RAD51B: variants seen among roughly 807,000 people sequenced by gnomAD.
RAD51B encodes DNA repair protein RAD51 homolog 2.
A neutral mutation model predicts 42.2 loss-of-function variants in RAD51B; 38 were observed. The observed-to-expected ratio is 0.90, with a 90% CI of 0.70 to 1.18. RAD51B has a LOEUF of 1.18. RAD51B is among the 50% of genes most tolerant of loss of function. RAD51B has a pLI of 0.00. For synonymous variants in RAD51B, 154 were observed against 145.2 expected, an observed-to-expected ratio of 1.06 and a Z score of -0.43; for missense variants, 373 against 400.7, an observed-to-expected ratio of 0.93 and a Z score of 0.59.
At chr14:67,899,842 G>T (rs1323679033) in intron 7 of RAD51B, among the ~76,000 whole-genome samples, 1 of 152,166 alleles carries the variant, frequency 6.6e-6, no homozygotes, top group Admixed American at 6.5e-5. Flanking sequence ...AGAAATTGAG[G>T]CTTATAGAGG....
At chr14:67,976,869 GA>G (rs1379327323) in intron 7 of RAD51B, among the ~76,000 whole-genome samples, 1 of 151,986 alleles carries the variant, frequency 6.6e-6, no homozygotes, top group Non-Finnish European at 1.5e-5. Context: ...AAATTTACAA[GA>G]AAAAAACAAA....
At chr14:68,393,645 C>T (rs1176315287) in intron 8 of RAD51B, among the ~76,000 whole-genome samples, 3 of 152,122 alleles carry the variant, frequency 2.0e-5, no homozygotes, top group African/African-American at 7.2e-5. Flanking sequence ...TTGAGCCGCT[C>T]CATGGGAATT....
intron 9 of RAD51B, among the ~76,000 whole-genome samples, chr14:68,427,433 A>ACCCCC (rs1455182409): frequency 1.3e-5 from 2 of 152,104 alleles, no homozygotes; most frequent in Non-Finnish European, 2.9e-5. Context: ...TCTGGGTACA[A>ACCCCC]CCCCTGCCTT....
At chr14:68,248,294 G>A (rs147742269) in intron 7 of RAD51B, among the ~76,000 whole-genome samples, 155 of 152,258 alleles carry the variant, frequency 1.0e-3, no homozygotes, top group Non-Finnish European at 1.5e-3. Flanking sequence ...GGAGGGAATA[G>A]GCCTTTTAAA....
chr14:67,960,828 C>T (rs1264714995), intron 7 of RAD51B, among the ~76,000 whole-genome samples: 1 of 152,018 alleles, frequency 6.6e-6, no homozygotes. Context: ...GCCTTTATGC[C>T]TGGCTAATTT....
At chr14:68,551,528 G>C (rs1329855968) in intron 10 of RAD51B, among the ~76,000 whole-genome samples, 5 of 152,162 alleles carry the variant, frequency 3.3e-5, no homozygotes, top group African/African-American at 4.8e-5. Flanking sequence ...GCCTGCTTCT[G>C]ATCTCCAGTA....
intron 8 of RAD51B, among the ~76,000 whole-genome samples, chr14:68,341,102 G>A (rs769310979): frequency 6.6e-6 from 1 of 152,202 alleles, no homozygotes; most frequent in Non-Finnish European, 1.5e-5. Context: ...AAAGCACAAT[G>A]TTAATGACTA....
intron 4 of RAD51B, among the ~76,000 whole-genome samples, chr14:67,862,542 G>A (rs1007981807): frequency 1.3e-5 from 2 of 152,022 alleles, no homozygotes; most frequent in Admixed American, 1.3e-4. Context: ...AAAAACTTTT[G>A]CATAATTGAT....
chr14:68,389,736 T>C (rs1454187718), intron 8 of RAD51B, among the ~76,000 whole-genome samples: 3 of 152,228 alleles, frequency 2.0e-5, no homozygotes, highest in Non-Finnish European at 2.9e-5. Context: ...ATTTTTTAAG[T>C]ACCCATAAGT....
intron 7 of RAD51B, among the ~76,000 whole-genome samples, chr14:68,037,542 T>G (rs1001407097): frequency 1.3e-5 from 2 of 152,032 alleles, no homozygotes; most frequent in Non-Finnish European, 2.9e-5. Context: ...TTTAAAGGGC[T>G]GCTTTTCATA....
intron 10 of RAD51B, among the ~76,000 whole-genome samples, chr14:68,576,461 T>C (rs1889967285): frequency 1.3e-5 from 2 of 152,130 alleles, no homozygotes; most frequent in African/African-American, 4.8e-5. Context: ...CACTAGAAGG[T>C]TGAGGATGCA....
At chr14:68,026,583 C>G (rs1015178247) in intron 7 of RAD51B, among the ~76,000 whole-genome samples, 2 of 151,342 alleles carry the variant, frequency 1.3e-5, no homozygotes, top group African/African-American at 4.9e-5. Flanking sequence ...TGATGTGTAC[C>G]CTTTATCATT....
chr14:68,589,421 G>A (rs1046196043), intron 10 of RAD51B, among the ~76,000 whole-genome samples: 4 of 152,144 alleles, frequency 2.6e-5, no homozygotes, highest in African/African-American at 9.7e-5. Context: ...GGCTACCTCA[G>A]TGAGTTAAAG....
chr14:68,053,762 A>G (rs567933420), intron 7 of RAD51B, among the ~76,000 whole-genome samples: 1 of 152,312 alleles, frequency 6.6e-6, no homozygotes, highest in South Asian at 2.1e-4. Flanking sequence ...TATTATCTTG[A>G]ATAACTCCAA....
chr14:68,056,010 C>T (rs2076468363), intron 7 of RAD51B, among the ~76,000 whole-genome samples: 1 of 151,994 alleles, frequency 6.6e-6, no homozygotes, highest in South Asian at 2.1e-4. Context: ...TTTTTTAGTG[C>T]CCTTGAAATA....
intron 7 of RAD51B, among the ~76,000 whole-genome samples, chr14:68,281,736 G>A (rs2081322665): frequency 6.6e-6 from 1 of 152,202 alleles, no homozygotes; most frequent in Non-Finnish European, 1.5e-5. Context: ...ACCTGAAAAT[G>A]AGGGAGAAAA....
intron 11 of RAD51B, among the ~76,000 whole-genome samples, chr14:68,662,162 T>A (rs774954773): frequency 2.0e-5 from 3 of 152,216 alleles, no homozygotes; most frequent in Non-Finnish European, 4.4e-5. Context: ...ACACTCTTCT[T>A]CAGTTAATGT....
At chr14:68,333,564 C>A (rs1007640034) in intron 8 of RAD51B, among the ~76,000 whole-genome samples, 5 of 152,196 alleles carry the variant, frequency 3.3e-5, no homozygotes, top group African/African-American at 1.2e-4. Context: ...GATACCTTTG[C>A]TTCACAGGTA....
intron 10 of RAD51B, among the ~76,000 whole-genome samples, chr14:68,621,978 C>A (rs1281518282): frequency 6.6e-6 from 1 of 152,208 alleles, no homozygotes; most frequent in Non-Finnish European, 1.5e-5. Flanking sequence ...TGGGTCAGCA[C>A]AGGCCCACAG....
Sources: gnomAD v4.1 joint callset for allele counts (sites outside exome capture counted in the v4.1 genomes callset) on GRCh38, gnomAD v4.1.1 for gene constraint, MANE v1.5 for transcripts, NCBI Gene and HGNC (gene_info 2026-07-23, HGNC 2026-07-21) for gene names.